Variants in OTOA observed in about 807,000 individuals in gnomAD.
The protein encoded by OTOA is cancer/testis antigen 108.
In OTOA, 70 loss-of-function variants were observed where a neutral mutation model predicts 110.8. The observed-to-expected ratio is 0.63, with a 90% CI of 0.52 to 0.77. The LOEUF is 0.77. Among genes scored for constraint, OTOA ranks in the 30% least tolerant of loss-of-function variants. The pLI is 0.00. For synonymous variants in OTOA, 373 were observed against 431.5 expected (o/e 0.86, Z 1.68); for missense variants, 917 against 1,075.8 (o/e 0.85, Z 2.06).
intron 21 of OTOA, among the ~76,000 whole-genome samples, chr16:21,734,679 T>C (rs78315461): frequency 7.4e-5 from 11 of 147,710 alleles, no homozygotes; most frequent in Admixed American, 1.4e-4. Context: ...TACTAAAAAA[T>C]ACAAAAAATT....
At chr16:21,709,675 A>G (rs964768086) in intron 12 of OTOA, among the ~76,000 whole-genome samples, 1 of 152,176 alleles carries the variant, frequency 6.6e-6, no homozygotes, top group Non-Finnish European at 1.5e-5. Context: ...TTTTTGGCAC[A>G]TGAAAGCTAA....
intron 4 of OTOA, 53 bp downstream of exon 4, chr16:21,679,119 T>TGTAG: frequency 3.1e-6 from 5 of 1,613,080 alleles, no homozygotes; most frequent in Non-Finnish European, 4.2e-6. Context: ...TCAAACAGAA[T>TGTAG]GTAGCTGTGA....
chr16:21,724,677 C>G (rs1898858911), intron 18 of OTOA, among the ~76,000 whole-genome samples: 1 of 152,114 alleles, frequency 6.6e-6, no homozygotes, highest in South Asian at 2.1e-4. Context: ...TGTCTCAGCT[C>G]AAATGGAACT....
Position 21,709,921 on chromosome 16 carries a change from A to G in OTOA, c.1138A>G (p.Asn380Asp), listed in dbSNP as rs752630391. Residue 380 changes from asparagine to aspartate, a missense_variant, in exon 13 of 29, where the codon AAC becomes GAC. By Grantham distance (23) the Asn-to-Asp change is conservative. Around this residue, in one of 6 missense-constraint regions of OTOA, gnomAD observed 840 missense variants for 910.2 expected, o/e 0.92. Transcript: ENST00000646100. ...KAELLDIAMENQTLNETLGSL... is the reference protein window; with the variant it reads ...KAELLDIAMEDQTLNETLGSL... ...AGAACTCCTGGACATTGCCATGGAGAACCAGACCCTCAATGAGACCCTGGG... is the reference window on the plus strand; with the variant it reads ...AGAACTCCTGGACATTGCCATGGAGGACCAGACCCTCAATGAGACCCTGGG... 1.2e-6 allele frequency: 2 copies of G among 1,613,982 alleles called. No individual in the cohort carries two copies. Among genetic ancestry groups the G allele is most frequent in the Non-Finnish European group, 1.7e-6 (2 of 1,179,932 alleles).
intron 13 of OTOA, among the ~76,000 whole-genome samples, chr16:21,710,567 G>C (rs1419865881): frequency 1.3e-5 from 2 of 152,162 alleles, no homozygotes; most frequent in Non-Finnish European, 2.9e-5. Context: ...CACAGCAGGG[G>C]GCAACCAATC....
rs778120503 is a variant in OTOA, at chr16:21,728,315, C to T, written c.2091C>T (p.Ile697=). Residue 697 remains isoleucine (I), a synonymous_variant, in exon 20 of 29, where the codon ATC becomes ATT. Coordinates refer to ENST00000646100, the MANE Select transcript of OTOA (RefSeq NM_144672.4). ...TGTGTCACTTGCCGGCAGCCATCAT[C>T]GACAGGGGGATCTCCCCCAGGGCTT... ...NLLCHLPAAI[I]DRGISPRAWA... 34 of 1,614,072 alleles carry T rather than the reference C, an allele frequency of 2.1e-5. No homozygotes were observed. The Admixed American group carries it at 2.2e-4, about 10-fold the overall frequency.
chr16:21,669,687 C>T (rs569662955), intron 1 of OTOA, among the ~76,000 whole-genome samples: 2 of 152,264 alleles, frequency 1.3e-5, no homozygotes, highest in East Asian at 3.9e-4. Context: ...CAAATACCTC[C>T]AAAATCCAAC....
chr16:21,724,776 A>G (rs111438674), intron 18 of OTOA, among the ~76,000 whole-genome samples: 2 of 151,662 alleles, frequency 1.3e-5, no homozygotes, highest in Admixed American at 6.6e-5. Flanking sequence ...TTAATTAATT[A>G]ATTAATTTAT....
intron 21 of OTOA, among the ~76,000 whole-genome samples, chr16:21,733,834 G>A (rs71246382): frequency 1.3e-5 from 2 of 151,998 alleles, no homozygotes; most frequent in Admixed American, 1.3e-4. Context: ...GAGTCTAGCT[G>A]TGTTGCCCAG....
chr16:21,666,855 G>A (rs1966841060), intron 1 of OTOA, among the ~76,000 whole-genome samples: 1 of 152,112 alleles, frequency 6.6e-6, no homozygotes, highest in African/African-American at 2.4e-5. Context: ...CTGATGGGCT[G>A]CAGTTTCTCG....
At chr16:21,735,131 A>T (rs1899246103) in intron 21 of OTOA, among the ~76,000 whole-genome samples, 2 of 143,712 alleles carry the variant, frequency 1.4e-5, no homozygotes, top group South Asian at 4.6e-4. Flanking sequence ...ACAGAACAAG[A>T]CTCTGAAAAA....
At chr16:21,693,908 G>T (rs1292291185) in intron 9 of OTOA, among the ~76,000 whole-genome samples, 3 of 152,050 alleles carry the variant, frequency 2.0e-5, no homozygotes, top group African/African-American at 7.2e-5. Flanking sequence ...TAGACTAGAA[G>T]AGCGCTTGGC....
chr16:21,698,079 G>A (rs1897980583), intron 10 of OTOA, among the ~76,000 whole-genome samples: 1 of 152,144 alleles, frequency 6.6e-6, no homozygotes, highest in African/African-American at 2.4e-5. Context: ...TAGTGTGGAA[G>A]GGCTAAGAAA....
intron 17 of OTOA, among the ~76,000 whole-genome samples, chr16:21,722,333 G>A (rs897043129): frequency 6.8e-6 from 1 of 146,190 alleles, no homozygotes; most frequent in African/African-American, 2.5e-5. Context: ...ATATAGCTAA[G>A]ATATATATAT....
chr16:21,677,743 A>G (rs1458862380), intron 1 of OTOA, among the ~76,000 whole-genome samples: 2 of 151,860 alleles, frequency 1.3e-5, no homozygotes, highest in Middle Eastern at 3.2e-3. Context: ...CAGCCTCCCA[A>G]AGTGCTGGGA....
Position 21,719,370 on chromosome 16 carries a change from CTTGTT to C in OTOA, c.1689-9_1689-5del, listed in dbSNP as rs768036457. ...CTCACTTCCTTCCTCTCCCGAGTGC[CTTGTT>C]TTGTTTTCTAGTGCTGGGCAGCTGG... On this transcript the variant is annotated splice_polypyrimidine_tract_variant and intron_variant, in intron 16 of 28. Transcript: ENST00000646100. The C allele has an allele frequency of 2.3e-5, 37 of 1,612,394 alleles. 1 individual carries two copies. The highest frequency in any genetic ancestry group is 2.4e-5 in the Non-Finnish European group (28 of 1,178,640).
intron 6 of OTOA, among the ~76,000 whole-genome samples, chr16:21,682,808 A>G (rs899192982): frequency 2.0e-5 from 3 of 152,218 alleles, no homozygotes; most frequent in African/African-American, 7.2e-5. Context: ...CTTATGTTTG[A>G]ATGAAAATGG....
At chr16:21,692,250 T>C (rs215892) in intron 9 of OTOA, among the ~76,000 whole-genome samples, 145,747 of 152,008 alleles carry the variant, frequency 0.96, 70,094 homozygotes, top group Non-Finnish European at 0.99. Context: ...TCGCTTCAAC[T>C]GGGGAGGCAG....
chr16:21,733,712 G>C (rs1899189851), intron 21 of OTOA, among the ~76,000 whole-genome samples: 1 of 151,080 alleles, frequency 6.6e-6, no homozygotes, highest in South Asian at 2.1e-4. Flanking sequence ...AGTCCCCTAA[G>C]TCCCCTCATT....
Sources: gnomAD v4.1 joint callset for allele counts (sites outside exome capture counted in the v4.1 genomes callset) on GRCh38, gnomAD v4.1.1 for gene constraint, gnomAD v4.1.1 regional missense constraint, MANE v1.5 for transcripts, NCBI Gene and HGNC (gene_info 2026-07-23, HGNC 2026-07-21) for gene names.